KCNJ5: variants seen among roughly 807,000 people sequenced by gnomAD.
KCNJ5 encodes the protein potassium inwardly rectifying channel subfamily J member 5.
KCNJ5 carries 12 observed loss-of-function variants against 20.2 expected under a neutral mutation model. The ratio of observed to expected loss-of-function variants is 0.59; its 90% CI spans 0.38 to 0.96. The LOEUF (loss-of-function observed/expected upper bound fraction) is 0.96, where lower values mean the gene tolerates loss of function less well. Ranked by LOEUF, KCNJ5 falls within the 40% of genes least tolerant of loss-of-function variation. KCNJ5 has a pLI of 0.00. For missense variants in KCNJ5, 449 were observed against 557.6 expected, an observed-to-expected ratio of 0.81 and a Z score of 1.96; for synonymous variants, 210 against 213.9, an observed-to-expected ratio of 0.98 and a Z score of 0.16.
chr11:128,911,462 C>T lies in KCNJ5; in HGVS notation c.189C>T (p.His63=). Reference sequence around the variant, plus strand: ...AGAAGAGTGGCAAGTGCAACGTGCACCACGGCAACGTCCAGGAGACCTACC... The same window carrying T: ...AGAAGAGTGGCAAGTGCAACGTGCATCACGGCAACGTCCAGGAGACCTACC... ...YMEKSGKCNV[H]HGNVQETYRY... is the part of the protein sequence containing the mutation. The change falls in exon 2 of 3, where the codon CAC becomes CAT. Residue 63 remains histidine, a synonymous_variant. Coordinates refer to ENST00000529694, the MANE Select transcript of KCNJ5 (RefSeq NM_000890.5). This position sits in a 1 kb window ranked among gnomAD's most constrained non-coding sequence, Gnocchi z 6.3. The T allele has an allele frequency of 6.2e-7, 1 of 1,614,246 alleles. No homozygotes were observed. The highest frequency in any genetic ancestry group is 8.5e-7 in the Non-Finnish European group (1 of 1,180,046).
At chr11:128,903,643 T>C (rs533091021) in intron 1 of KCNJ5, 1 of 964,920 alleles carries the variant, frequency 1.0e-6, no homozygotes, top group South Asian at 1.6e-5. Flanking sequence ...CTCTTGGTGA[T>C]GATGCCAGAA....
chr11:128,913,585 T>A (rs1444408265), intron 2 of KCNJ5, among the ~76,000 whole-genome samples: 1 of 151,242 alleles, frequency 6.6e-6, no homozygotes, highest in Non-Finnish European at 1.5e-5. Context: ...TCTCTCTCTT[T>A]TTTTTTTCAA....
intron 1 of KCNJ5, among the ~76,000 whole-genome samples, chr11:128,905,339 G>T (rs1032521703): frequency 5.9e-5 from 9 of 152,218 alleles, no homozygotes; most frequent in African/African-American, 2.2e-4. Flanking sequence ...CCACACCCAG[G>T]CGTCGAGCAC....
intron 2 of KCNJ5, among the ~76,000 whole-genome samples, chr11:128,914,211 G>C: frequency 6.6e-6 from 1 of 152,220 alleles, no homozygotes; most frequent in East Asian, 1.9e-4. Context: ...AAAAGGGATT[G>C]GGTGAGAGAC....
chr11:128,892,206 C>G (rs776788810), intron 1 of KCNJ5, among the ~76,000 whole-genome samples: 3 of 152,242 alleles, frequency 2.0e-5, no homozygotes, highest in South Asian at 4.1e-4. Flanking sequence ...TTCTGCCCCC[C>G]TCGCTGCCCA....
At position 128,903,446 on chromosome 11, in the gene KCNJ5, C is replaced by A. The variant is rs779205400; in HGVS notation, c.-10-7818C>A. On this transcript the variant is annotated intron_variant, in intron 1 of 2. Transcript: ENST00000529694. ...GTTCTGGTTACTATGGCATGCACAT[C>A]CTGCCCAGCTGAGAAATTCCAGAGT... 6.2e-6 allele frequency: 10 copies of A among 1,614,058 alleles called. No individual in the cohort carries two copies. The East Asian group carries it at 2.2e-4, about 36-fold the overall frequency.
At chr11:128,904,747 G>A (rs1944366503) in intron 1 of KCNJ5, 1 of 554,920 alleles carries the variant, frequency 1.8e-6, no homozygotes, top group Non-Finnish European at 3.2e-6. Context: ...GGTGTTGAGT[G>A]GGGGTTCGCT....
intron 1 of KCNJ5, among the ~76,000 whole-genome samples, chr11:128,906,297 C>T (rs961281880): frequency 6.6e-6 from 1 of 152,222 alleles, no homozygotes; most frequent in Non-Finnish European, 1.5e-5. Context: ...ATGCCAGAGT[C>T]AGCCTTCCTA....
At chr11:128,913,084 T>C (rs914316758) in intron 2 of KCNJ5, among the ~76,000 whole-genome samples, 10 of 152,320 alleles carry the variant, frequency 6.6e-5, no homozygotes, top group African/African-American at 2.2e-4. Context: ...CCTTACCCAC[T>C]GAGTCTCATC....
chr11:128,892,904 G>A (rs1944117395), intron 1 of KCNJ5, among the ~76,000 whole-genome samples: 1 of 152,198 alleles, frequency 6.6e-6, no homozygotes, highest in South Asian at 2.1e-4. Flanking sequence ...GAGAGTAAGG[G>A]TAACAGAATT....
rs1390322659 is a variant in KCNJ5 at position 128,911,961 on chromosome 11, G to A, written c.688G>A (p.Val230Met). ...GGGCGACCTCCGCAACTCCCACATC[G>A]TGGAGGCCTCCATCCGGGCCAAGCT... ...RVGDLRNSHI[V>M]EASIRAKLIK... The change falls in exon 2 of 3, where the codon GTG (valine) becomes ATG (methionine). Residue 230 changes from valine (V) to methionine (M), a missense_variant. Coordinates refer to ENST00000529694, the MANE Select transcript of KCNJ5 (RefSeq NM_000890.5). The surrounding 1 kb of genome is among the most constrained non-coding windows in gnomAD (Gnocchi z 6.3). The A allele has an allele frequency of 1.2e-6, 2 of 1,600,310 alleles. No homozygotes were observed. The highest frequency in any genetic ancestry group is 1.7e-6 in the Non-Finnish European group (2 of 1,171,558).
chr11:128,907,221 T>G (rs1045684846), intron 1 of KCNJ5, among the ~76,000 whole-genome samples: 1 of 152,114 alleles, frequency 6.6e-6, no homozygotes, highest in Admixed American at 6.5e-5. Flanking sequence ...AGTAGGAAAT[T>G]GATAAAGATG....
In KCNJ5 at chr11:128,911,217, T is replaced by C; in HGVS notation, c.-10-47T>C. On this transcript the variant is annotated intron_variant, in intron 1 of 2. Transcript: ENST00000529694. This position sits in a 1 kb window ranked among gnomAD's most constrained non-coding sequence, Gnocchi z 6.3. ...GGTGGCCTTCCATCTTGTGTTCTAGTGAATCAGAACAGCCCACTTCACTGA... is the reference window on the plus strand; with the variant it reads ...GGTGGCCTTCCATCTTGTGTTCTAGCGAATCAGAACAGCCCACTTCACTGA... 6.7e-7 allele frequency: 1 copy of C among 1,501,564 alleles called. No homozygotes were observed. The highest frequency in any genetic ancestry group is 1.1e-5 in the South Asian group (1 of 88,392). The allele number at this position is 1,501,564 out of a possible 1,614,324, so 93.0% of individuals were successfully genotyped here.
At chr11:128,893,614 G>T (rs182145253) in intron 1 of KCNJ5, among the ~76,000 whole-genome samples, 1 of 152,056 alleles carries the variant, frequency 6.6e-6, no homozygotes, top group South Asian at 2.1e-4. Context: ...ATAAACTGCC[G>T]GCATTACTCA....
Position 128,916,443 on chromosome 11 carries a change from T to C in KCNJ5, c.972T>C (p.Asp324=). ...GCCAAGCCCGGAGCTCCTACATGGA[T>C]ACAGAGGTGCTCTGGGGCCACCGAT... ...MTCQARSSYM[D]TEVLWGHRFT... is the part of the protein sequence containing the mutation. The change falls in exon 3 of 3, where the codon GAT becomes GAC. Residue 324 remains aspartate, a synonymous_variant. Coordinates refer to ENST00000529694, the MANE Select transcript of KCNJ5 (RefSeq NM_000890.5). The C allele has an allele frequency of 2.5e-6, 4 of 1,614,230 alleles. No individual in the cohort carries two copies. The highest frequency in any genetic ancestry group is 3.4e-6 in the Non-Finnish European group (4 of 1,180,038).
chr11:128,902,965 T>C (rs1944316298), intron 1 of KCNJ5, among the ~76,000 whole-genome samples: 1 of 152,164 alleles, frequency 6.6e-6, no homozygotes, highest in African/African-American at 2.4e-5. Context: ...AAAAATTTCA[T>C]CTTCAAAAGT....
At chr11:128,900,968 A>G (rs912160553) in intron 1 of KCNJ5, 9 of 152,234 alleles carry the variant, frequency 5.9e-5, no homozygotes, top group Admixed American at 6.5e-5. Context: ...AGTATTTGGT[A>G]GGATAGAATT....
chr11:128,903,477 G>C (rs1312816573), intron 1 of KCNJ5: 1 of 1,614,068 alleles, frequency 6.2e-7, no homozygotes, highest in Non-Finnish European at 8.5e-7. Flanking sequence ...AGAGTGAGGA[G>C]GTGTTACCCT....
intron 1 of KCNJ5, chr11:128,903,294 C>G: frequency 6.5e-7 from 1 of 1,540,684 alleles, no homozygotes. Flanking sequence ...AGAAAGCCTA[C>G]TAATTGCACG....
Sources: gnomAD v4.1 joint callset for allele counts (sites outside exome capture counted in the v4.1 genomes callset) on GRCh38, gnomAD v4.1.1 for gene constraint, Gnocchi (gnomAD v3.1) non-coding constraint, MANE v1.5 for transcripts, NCBI Gene and HGNC (gene_info 2026-07-23, HGNC 2026-07-21) for gene names.